ZNF423: variants seen among roughly 807,000 people sequenced by gnomAD.
ZNF423 encodes the protein zinc finger protein 423, also known as Ebf-associated zinc finger protein.
Under a neutral mutation model 95.8 loss-of-function variants are expected in ZNF423, and 12 were observed. That is an observed-to-expected ratio of 0.13 (90% CI 0.08 to 0.20). The LOEUF (loss-of-function observed/expected upper bound fraction) is 0.20. Among genes scored for constraint, ZNF423 ranks in the 10% least tolerant of loss-of-function variants. The pLI is 1.00. For synonymous variants in ZNF423, 749 were observed against 711.9 expected, an observed-to-expected ratio of 1.05 and a Z score of -0.83; for missense variants, 1,316 against 1,737.1, an observed-to-expected ratio of 0.76 and a Z score of 4.31.
rs1165965415 is a variant in ZNF423, at chr16:49,801,257, G to A, written c.41-11711C>T. 5.3e-5 allele frequency among the ~76,000 whole-genome samples: 8 copies of A among 152,286 alleles called. No homozygotes were observed. In the South Asian group the frequency reaches 6.2e-4, roughly 12 times the overall value. On this transcript the variant is annotated intron_variant, in intron 1 of 7. Coordinates refer to ENST00000563137, the MANE Select transcript of ZNF423 (RefSeq NM_001379286.1). ...CGCCAGCCTGGCCCAGGTCCCTCAC[G>A]TCCTTCCCCACCACCCTGCACCAGA...
At chr16:49,512,368 T>C (rs947186877) in intron 7 of ZNF423, among the ~76,000 whole-genome samples, 2 of 152,154 alleles carry the variant, frequency 1.3e-5, no homozygotes, top group Non-Finnish European at 2.9e-5. Flanking sequence ...TGCTGGGAGC[T>C]TTTCAGGCAT....
chr16:49,835,638 G>A (rs971920234), intron 1 of ZNF423, among the ~76,000 whole-genome samples: 1 of 152,136 alleles, frequency 6.6e-6, no homozygotes, highest in Non-Finnish European at 1.5e-5. Flanking sequence ...TCCCCCACCC[G>A]GCATGGCCCA....
At chr16:49,709,183 T>TATATATATATATATAA (rs58833331) in intron 3 of ZNF423, among the ~76,000 whole-genome samples, 6,456 of 145,108 alleles carry the variant, frequency 0.044, 225 homozygotes, top group African/African-American at 0.067. Context: ...TATATATATA[T>TATATATATATATATAA]GAAAACGGAG....
intron 1 of ZNF423, chr16:49,853,676 C>T (rs1057426499): frequency 1.0e-6 from 1 of 985,330 alleles, no homozygotes; most frequent in Admixed American, 6.1e-5. Flanking sequence ...GAGGCACTCA[C>T]TAAAAATCAT....
At chr16:49,652,205 G>A (rs1469250927) in intron 3 of ZNF423, among the ~76,000 whole-genome samples, 1 of 151,360 alleles carries the variant, frequency 6.6e-6, no homozygotes, top group East Asian at 2.0e-4. Flanking sequence ...GCAAGGACGC[G>A]TCCACCTTTC....
chr16:49,561,039 A>G (rs953748566), intron 5 of ZNF423, among the ~76,000 whole-genome samples: 1 of 152,234 alleles, frequency 6.6e-6, no homozygotes, highest in Non-Finnish European at 1.5e-5. Context: ...ACTGATGGAT[A>G]GCATTTATGT....
intron 5 of ZNF423, among the ~76,000 whole-genome samples, chr16:49,552,162 G>T (rs1478378390): frequency 1.3e-5 from 2 of 152,210 alleles, no homozygotes; most frequent in Admixed American, 1.3e-4. Flanking sequence ...ACGTGCAGCT[G>T]TTGCACCAAC....
intron 5 of ZNF423, among the ~76,000 whole-genome samples, chr16:49,556,779 G>A (rs1441463482): frequency 1.3e-5 from 2 of 152,182 alleles, no homozygotes; most frequent in African/African-American, 4.8e-5. Flanking sequence ...TAATTAAAAT[G>A]TCTTAGCTCC....
chr16:49,553,916 T>C (rs1486340343), intron 5 of ZNF423, among the ~76,000 whole-genome samples: 2 of 152,206 alleles, frequency 1.3e-5, no homozygotes, highest in Non-Finnish European at 2.9e-5. Context: ...AAAAGTGATA[T>C]GACTGAACCA....
At chr16:49,708,704 G>A (rs77501651) in intron 3 of ZNF423, among the ~76,000 whole-genome samples, 5,493 of 152,190 alleles carry the variant, frequency 0.036, 161 homozygotes, top group African/African-American at 0.083. Flanking sequence ...CCTTTCACAG[G>A]CCATGGATGT....
At chr16:49,747,836 G>A (rs2033557105) in intron 2 of ZNF423, among the ~76,000 whole-genome samples, 1 of 152,236 alleles carries the variant, frequency 6.6e-6, no homozygotes, top group African/African-American at 2.4e-5. Flanking sequence ...GCAAGAGATT[G>A]TCCCCAGGGC....
At chr16:49,833,975 G>C (rs1174130096) in intron 1 of ZNF423, among the ~76,000 whole-genome samples, 1 of 152,200 alleles carries the variant, frequency 6.6e-6, no homozygotes, top group Non-Finnish European at 1.5e-5. Context: ...AGCTGGGGCG[G>C]GCAGTGGCCT....
intron 5 of ZNF423, among the ~76,000 whole-genome samples, chr16:49,600,211 C>G (rs1222027270): frequency 1.3e-5 from 2 of 151,950 alleles, no homozygotes; most frequent in Non-Finnish European, 2.9e-5. Context: ...ACTCAGGAGG[C>G]TGAGGCAGAA....
At chr16:49,835,921 G>T (rs1373422739) in intron 1 of ZNF423, among the ~76,000 whole-genome samples, 1 of 152,178 alleles carries the variant, frequency 6.6e-6, no homozygotes, top group Non-Finnish European at 1.5e-5. Context: ...ATGGGAAGAA[G>T]AGGCAGGCTT....
chr16:49,636,908 C>A lies in ZNF423; in HGVS notation c.2268G>T (p.Lys756Asn), dbSNP rs750555513. 6.8e-5 allele frequency: 110 copies of A among 1,613,808 alleles called. 3 individuals are homozygous for A. The South Asian group carries it at 7.9e-4, about 12-fold the overall frequency. The change falls in exon 4 of 8, where the codon AAG becomes AAT. Residue 756 changes from lysine to asparagine, a missense_variant. Physicochemically the swap from Lys to Asn is moderately conservative, Grantham distance 94. Coordinates refer to ENST00000563137, the MANE Select transcript of ZNF423 (RefSeq NM_001379286.1). This position sits in a 1 kb window ranked among gnomAD's most constrained non-coding sequence, Gnocchi z 8.6. ...AGTTGCAGGCCGTGCAGCGGTACAT[C>A]TTCTTCTCATTGCTGTGCTTCACCG... ...HLAVKHSNEK[K>N]MYRCTACNWD...
At chr16:49,600,669 G>T (rs188095536) in intron 5 of ZNF423, among the ~76,000 whole-genome samples, 1 of 152,104 alleles carries the variant, frequency 6.6e-6, no homozygotes, top group African/African-American at 2.4e-5. Flanking sequence ...GGAAGGAGCC[G>T]GCCGACGTTT....
rs2151833691 is a variant in ZNF423, at chr16:49,603,073, CTGGTGCGA to C, written c.3601+23089_3601+23096del. ...GATGGGAGGAGGAGGTTCCGAAACA[CTGGTGCGA>C]GAAAAGGGTCTGGATGGGAGGATAC... On this transcript the variant is annotated intron_variant, in intron 5 of 7. Transcript: ENST00000563137. The surrounding 1 kb of genome is among the most constrained non-coding windows in gnomAD (Gnocchi z 4.1). 6.6e-6 allele frequency among the ~76,000 whole-genome samples: 1 copy of C among 152,298 alleles called. No individual in the cohort carries two copies. Among genetic ancestry groups the C allele is most frequent in the East Asian group, 1.9e-4 (1 of 5,170 alleles).
At chr16:49,577,542 C>G (rs996088547) in intron 5 of ZNF423, among the ~76,000 whole-genome samples, 3 of 152,076 alleles carry the variant, frequency 2.0e-5, no homozygotes, top group Non-Finnish European at 4.4e-5. Context: ...GACATCCCTC[C>G]AAGCAGGGTC....
chr16:49,502,731 A>G (rs1967457058), intron 7 of ZNF423, among the ~76,000 whole-genome samples: 1 of 151,884 alleles, frequency 6.6e-6, no homozygotes, highest in African/African-American at 2.4e-5. Context: ...CTCCCAAGGC[A>G]GCGTTCCTAT....
Sources: gnomAD v4.1 joint callset for allele counts (sites outside exome capture counted in the v4.1 genomes callset) on GRCh38, gnomAD v4.1.1 for gene constraint, Gnocchi (gnomAD v3.1) non-coding constraint, MANE v1.5 for transcripts, NCBI Gene and HGNC (gene_info 2026-07-23, HGNC 2026-07-21) for gene names.